Variants in CCNY observed in about 807,000 individuals in gnomAD.
CCNY encodes the protein cyclin-Y.
In CCNY, 19 loss-of-function variants were observed where a neutral mutation model predicts 42.8. The ratio of observed to expected loss-of-function variants is 0.44; its 90% CI spans 0.31 to 0.65. The LOEUF (loss-of-function observed/expected upper bound fraction) is 0.65, where lower values mean the gene tolerates loss of function less well. CCNY is among the 30% of genes least tolerant of loss of function. The pLI is 0.07. For synonymous variants in CCNY, 165 were observed against 162.7 expected, an observed-to-expected ratio of 1.01 and a Z score of -0.11; for missense variants, 370 against 437.3, an observed-to-expected ratio of 0.85 and a Z score of 1.37.
At chr10:35,539,097 C>T (rs1381513397) in intron 7 of CCNY, among the ~76,000 whole-genome samples, 1 of 152,160 alleles carries the variant, frequency 6.6e-6, no homozygotes. Flanking sequence ...TCTGGGTTTT[C>T]AATTTTGTTC....
At position 35,349,760 on chromosome 10, in the gene CCNY, C is replaced by A. The variant is rs567961737; in HGVS notation, c.154+12553C>A. The stretch of plus-strand genomic sequence containing the variant: ...CCACCTCTGTCCACCAGATGCCATG[C>A]CAGCTGCAGCAACAGCACCCTCCAT... On this transcript the variant is annotated intron_variant, in intron 1 of 9. Transcript: ENST00000374704. 2.0e-5 allele frequency among the ~76,000 whole-genome samples: 3 copies of A among 152,276 alleles called. No homozygotes were observed. The South Asian group carries it at 6.2e-4, about 32-fold the overall frequency.
At chr10:35,372,945 G>A (rs1836970626) in intron 1 of CCNY, among the ~76,000 whole-genome samples, 1 of 152,170 alleles carries the variant, frequency 6.6e-6, no homozygotes, top group Non-Finnish European at 1.5e-5. Context: ...TTATCCACCT[G>A]CCTCAGCCTC....
chr10:35,337,202 T>C lies in CCNY; in HGVS notation c.149T>C (p.Ile50Thr), dbSNP rs1448662522. The stretch of plus-strand genomic sequence containing the variant: ...CAGCACATCAGCGACCGGGAGAACA[T>C]AGACGGTGAGTGCGGCCCGCCGAGC... ...NLQHISDRENIDDLNMEFNPS... is the reference protein window; with the variant it reads ...NLQHISDRENTDDLNMEFNPS... The change falls in exon 1 of 10, where the codon ATA becomes ACA. Residue 50 changes from isoleucine (I) to threonine (T), a missense_variant. Around this residue, in one of 2 missense-constraint regions of CCNY, gnomAD observed 136 missense variants for 124.2 expected, o/e 1.09. Coordinates refer to ENST00000374704, the MANE Select transcript of CCNY (RefSeq NM_145012.6). 7.8e-6 allele frequency: 12 copies of C among 1,547,932 alleles called. No individual in the cohort carries two copies. The highest frequency in any genetic ancestry group is 7.0e-5 in the African/African-American group (5 of 71,102).
At chr10:35,417,164 G>A (rs1194182322) in intron 1 of CCNY, among the ~76,000 whole-genome samples, 1 of 152,210 alleles carries the variant, frequency 6.6e-6, no homozygotes, top group African/African-American at 2.4e-5. Context: ...ATGCTGGGAA[G>A]CACGTGGAAT....
At chr10:35,319,278 G>A (rs2504364) in intron 3 of CCNY, among the ~76,000 whole-genome samples, 8,071 of 152,246 alleles carry the variant, frequency 0.053, 308 homozygotes, top group African/African-American at 0.11. Flanking sequence ...AATTTGAAAC[G>A]CTGAGGCAGG....
Position 35,433,080 on chromosome 10 carries a change from C to G in CCNY, c.155-50324C>G, listed in dbSNP as rs116106613. ...TGCCTGTAGGCTGGGCACGGTGGCTCATACCTGTAATCCCAGCACTTTGGG... is the reference window on the plus strand; with the variant it reads ...TGCCTGTAGGCTGGGCACGGTGGCTGATACCTGTAATCCCAGCACTTTGGG... On this transcript the variant is annotated intron_variant, in intron 1 of 9. Coordinates refer to ENST00000374704, the MANE Select transcript of CCNY (RefSeq NM_145012.6). 5.2e-3 allele frequency among the ~76,000 whole-genome samples: 786 copies of G among 152,250 alleles called. 2 individuals carry two copies. Among genetic ancestry groups the G allele is most frequent in the African/African-American group, 0.018 (759 of 41,536 alleles).
intron 3 of CCNY, among the ~76,000 whole-genome samples, chr10:35,264,373 G>A (rs1164263495): frequency 1.3e-5 from 2 of 152,064 alleles, no homozygotes; most frequent in African/African-American, 4.8e-5. Flanking sequence ...CTGCCTCTAG[G>A]TCTTTGAGAA....
chr10:35,543,728 A>T (rs1424673568), intron 7 of CCNY, among the ~76,000 whole-genome samples: 3 of 152,150 alleles, frequency 2.0e-5, no homozygotes, highest in Non-Finnish European at 4.4e-5. Flanking sequence ...GTTAACTGTG[A>T]AACAGCCTTA....
chr10:35,522,313 T>C (rs1354417608), intron 4 of CCNY, among the ~76,000 whole-genome samples: 3 of 152,184 alleles, frequency 2.0e-5, no homozygotes, highest in Non-Finnish European at 2.9e-5. Context: ...CCCTGACTTA[T>C]AAATGTGGAT....
intron 3 of CCNY, among the ~76,000 whole-genome samples, chr10:35,282,253 C>T (rs1473418893): frequency 6.6e-6 from 1 of 151,844 alleles, no homozygotes; most frequent in African/African-American, 2.4e-5. Flanking sequence ...TCCCAACTAG[C>T]CAGGACAACA....
intron 1 of CCNY, among the ~76,000 whole-genome samples, chr10:35,470,134 G>T (rs1378534983): frequency 6.6e-6 from 1 of 151,200 alleles, no homozygotes; most frequent in African/African-American, 2.4e-5. Flanking sequence ...TAGGGCGATG[G>T]GGAGACAAGG....
At chr10:35,511,957 G>A (rs954320101) in intron 3 of CCNY, among the ~76,000 whole-genome samples, 1 of 152,174 alleles carries the variant, frequency 6.6e-6, no homozygotes, top group African/African-American at 2.4e-5. Flanking sequence ...GGTGACAGTA[G>A]CACTTGAAGA....
intron 7 of CCNY, among the ~76,000 whole-genome samples, chr10:35,533,626 C>A (rs1368065678): frequency 6.6e-6 from 1 of 152,208 alleles, no homozygotes; most frequent in African/African-American, 2.4e-5. Context: ...GGGGCTGTTG[C>A]CTGGCCACCA....
intron 1 of CCNY, chr10:35,434,190 A>G (rs1252225397): frequency 1.3e-5 from 2 of 152,226 alleles, no homozygotes; most frequent in African/African-American, 2.4e-5. Flanking sequence ...GTGGACGTTC[A>G]TTGTGGCTTT....
At chr10:35,470,735 C>G (rs1235884692) in intron 1 of CCNY, among the ~76,000 whole-genome samples, 1 of 152,194 alleles carries the variant, frequency 6.6e-6, no homozygotes, top group Non-Finnish European at 1.5e-5. Flanking sequence ...CTGCTGGGCT[C>G]AGGCTTCCCT....
At chr10:35,431,827 C>T (rs1838418174) in intron 1 of CCNY, among the ~76,000 whole-genome samples, 1 of 152,058 alleles carries the variant, frequency 6.6e-6, no homozygotes, top group East Asian at 1.9e-4. Flanking sequence ...GTTACTTAGC[C>T]TCCTAGTTTT....
At chr10:35,276,596 G>A (rs986170484) in intron 3 of CCNY, among the ~76,000 whole-genome samples, 2 of 152,100 alleles carry the variant, frequency 1.3e-5, no homozygotes. Context: ...ATGTTCCCCA[G>A]GCTGGTCTCA....
intron 1 of CCNY, among the ~76,000 whole-genome samples, chr10:35,339,743 G>A (rs905151366): frequency 6.6e-6 from 1 of 152,120 alleles, no homozygotes; most frequent in Non-Finnish European, 1.5e-5. Context: ...CACATGAAGG[G>A]GTAATACTTG....
At chr10:35,568,946 G>T (rs375377506) in intron 9 of CCNY, 108 bp from the exon 10 acceptor site, 22 of 726,482 alleles carry the variant, frequency 3.0e-5, no homozygotes, top group African/African-American at 2.6e-4. Context: ...CTCCACAGGG[G>T]CAGGGGCTCT....
Sources: gnomAD v4.1 joint callset for allele counts (sites outside exome capture counted in the v4.1 genomes callset) on GRCh38, gnomAD v4.1.1 for gene constraint, gnomAD v4.1.1 regional missense constraint, MANE v1.5 for transcripts, NCBI Gene and HGNC (gene_info 2026-07-23, HGNC 2026-07-21) for gene names.